Variants in NCKAP1 observed in about 807,000 individuals in gnomAD.
The protein encoded by NCKAP1 is NCK associated protein 1.
A neutral mutation model predicts 151.2 loss-of-function variants in NCKAP1; 21 were observed. The observed-to-expected ratio is 0.14, with a 90% CI of 0.10 to 0.20. The LOEUF (loss-of-function observed/expected upper bound fraction) is 0.20. Among genes scored for constraint, NCKAP1 ranks in the 10% least tolerant of loss-of-function variants. NCKAP1 has a pLI of 1.00. For synonymous variants in NCKAP1, 484 were observed against 451.8 expected (o/e 1.07, Z -0.90); for missense variants, 933 against 1,352.1 (o/e 0.69, Z 4.86).
chr2:183,001,987 T>G lies in NCKAP1; in HGVS notation c.569A>C (p.Lys190Thr). Residue 190 changes from lysine to threonine, a missense_variant, in exon 6 of 31, where the codon AAG (lysine) becomes ACG (threonine). By Grantham distance (78) the Lys-to-Thr change is moderately conservative. This residue lies in a region of NCKAP1 where 607 missense variants were observed against 795.0 expected (regional missense o/e 0.76). Transcript: ENST00000361354. ...GGGTACAAATTCTTCCATCATCTTCTTTAAAGGGTTTTCATAATCCACAAT... is the reference window on the plus strand; with the variant it reads ...GGGTACAAATTCTTCCATCATCTTCGTTAAAGGGTTTTCATAATCCACAAT... ...QMIVDYENPLKKMMEEFVPHS... is the reference protein window; with the variant it reads ...QMIVDYENPLTKMMEEFVPHS... 6.2e-7 allele frequency: 1 copy of G among 1,613,876 alleles called. No homozygotes were observed.
chr2:182,989,118 G>A lies in NCKAP1; in HGVS notation c.859C>T (p.Leu287Phe). ...ATALNLWKLA[L>F]QSSSCLSLFR... is the part of the protein sequence containing the mutation. ...AGAGAGAGGCAAGAGCTACTTTGAA[G>A]AGCTAGTTTCCAAAGGTTCAGTGCT... Residue 287 changes from leucine to phenylalanine, a missense_variant, in exon 9 of 31, where the codon CTT (leucine) becomes TTT (phenylalanine). Transcript: ENST00000361354. 6.2e-7 allele frequency: 1 copy of A among 1,613,542 alleles called. No homozygotes were observed. The highest frequency in any genetic ancestry group is 1.1e-5 in the South Asian group (1 of 91,070).
intron 2 of NCKAP1, among the ~76,000 whole-genome samples, chr2:183,019,454 T>C (rs1191911322): frequency 1.3e-5 from 2 of 152,176 alleles, no homozygotes; most frequent in African/African-American, 4.8e-5. Context: ...AAATAATTTG[T>C]ATGTGTTAAT....
chr2:182,942,278 A>AC (rs1697011899), intron 23 of NCKAP1, 115 bp from the exon 24 acceptor site: 1 of 702,924 alleles, frequency 1.4e-6, no homozygotes, highest in African/African-American at 1.8e-5. Context: ...TGAAATCCAG[A>AC]CGCTCTATGC....
At chr2:182,988,560 C>T (rs1698103622) in intron 9 of NCKAP1, among the ~76,000 whole-genome samples, 1 of 152,044 alleles carries the variant, frequency 6.6e-6, no homozygotes, top group Non-Finnish European at 1.5e-5. Flanking sequence ...ATGTGGAATA[C>T]TATTATTTAA....
chr2:182,953,125 A>G lies in NCKAP1; in HGVS notation c.2360T>C (p.Leu787Pro). ...DSHGEPTITSLYTNWYLETLL... is the reference protein window; with the variant it reads ...DSHGEPTITSPYTNWYLETLL... ...ATGCATTCCTTACCAATTTGTGTAT[A>G]GACTTGTAATGGTTGGCTCTCCATG... The change falls in exon 21 of 31, where the codon CTA becomes CCA. Residue 787 changes from leucine (L) to proline (P), a missense_variant. Transcript: ENST00000361354. The G allele has an allele frequency of 6.2e-7, 1 of 1,608,764 alleles. No individual in the cohort carries two copies. The highest frequency in any genetic ancestry group is 8.5e-7 in the Non-Finnish European group (1 of 1,177,552).
At position 182,939,063 on chromosome 2, in the gene NCKAP1, A is replaced by G. The variant is rs892662098; in HGVS notation, c.2695+3007T>C. ...TAGATGATGGCAGAAAGGTATGTGAATAGAATGAGTTTTCGAAAGAAAAAA... is the reference window on the plus strand; with the variant it reads ...TAGATGATGGCAGAAAGGTATGTGAGTAGAATGAGTTTTCGAAAGAAAAAA... On this transcript the variant is annotated intron_variant, in intron 24 of 30. Coordinates refer to ENST00000361354, the MANE Select transcript of NCKAP1 (RefSeq NM_013436.5). Among the ~76,000 whole-genome samples, 24 of 152,226 alleles carry G rather than the reference A, an allele frequency of 1.6e-4. 1 individual carries two copies. Among genetic ancestry groups the G allele is most frequent in the Admixed American group, 1.4e-3 (21 of 15,284 alleles).
intron 4 of NCKAP1, 136 bp from the exon 5 acceptor site, chr2:183,002,405 T>C: frequency 1.6e-6 from 1 of 624,732 alleles, no homozygotes; most frequent in Non-Finnish European, 2.5e-6. Context: ...TGCTAATTCC[T>C]TTCACTAAAA....
At position 182,943,411 on chromosome 2, in the gene NCKAP1, G is replaced by A. The variant is rs562207596; in HGVS notation, c.2602-1248C>T. ...TTTCTTATTATGCTGCTAATCAGAAGTTAAGCTCTAGTCACATTTATTTGC... is the reference window on the plus strand; with the variant it reads ...TTTCTTATTATGCTGCTAATCAGAAATTAAGCTCTAGTCACATTTATTTGC... On this transcript the variant is annotated intron_variant, in intron 23 of 30. Coordinates refer to ENST00000361354, the MANE Select transcript of NCKAP1 (RefSeq NM_013436.5). Among the ~76,000 whole-genome samples the A allele has an allele frequency of 1.2e-4, 18 of 152,224 alleles. No individual in the cohort carries two copies. In the South Asian group the frequency reaches 3.1e-3, roughly 26 times the overall value.
At chr2:182,965,190 A>C (rs1224178620) in intron 16 of NCKAP1, among the ~76,000 whole-genome samples, 2 of 152,044 alleles carry the variant, frequency 1.3e-5, no homozygotes, top group African/African-American at 4.8e-5. Flanking sequence ...CAGGAGTTTG[A>C]GACCAGCCTG....
At chr2:182,970,070 GAAAACCTGA>G (rs1376929828) in intron 15 of NCKAP1, among the ~76,000 whole-genome samples, 2 of 152,002 alleles carry the variant, frequency 1.3e-5, no homozygotes, top group African/African-American at 4.8e-5. Flanking sequence ...AGAAGAAACA[GAAAACCTGA>G]AAGGACCAGT....
At chr2:183,024,921 T>A in intron 1 of NCKAP1, 1 of 1,592,168 alleles carries the variant, frequency 6.3e-7, no homozygotes, top group Non-Finnish European at 8.6e-7. Context: ...TTATGAAACA[T>A]GAAACTGATC....
chr2:182,958,013 G>A (rs982654359), intron 18 of NCKAP1, among the ~76,000 whole-genome samples: 2 of 152,206 alleles, frequency 1.3e-5, no homozygotes, highest in Admixed American at 6.5e-5. Flanking sequence ...GGAGCATAAC[G>A]TGTAAGGTAA....
At position 182,994,787 on chromosome 2, in the gene NCKAP1, T is replaced by C; in HGVS notation, c.790+52A>G. 5 of 1,457,058 alleles carry C rather than the reference T, an allele frequency of 3.4e-6. No individual in the cohort carries two copies. The East Asian group carries it at 1.1e-4, about 33-fold the overall frequency. 90.3% of individuals were successfully genotyped at this position (1,457,058 alleles called of 1,614,324 possible). A position where few individuals can be genotyped will look rare whatever the true frequency, so the allele number is the denominator to read the frequency against. On this transcript the variant is annotated intron_variant, in intron 8 of 30. Coordinates refer to ENST00000361354, the MANE Select transcript of NCKAP1 (RefSeq NM_013436.5). ...GTAACCATGTCACCTGCTATTTTTC[T>C]CTAAAACATAAAGCCTGGGGAGTAA... is the stretch of plus-strand genomic sequence containing the variant.
In NCKAP1 at chr2:182,923,328, A is replaced by G. The variant is rs1306758813; in HGVS notation, c.*2374T>C. On this transcript the variant is annotated 3_prime_UTR_variant, in exon 31 of 31. Transcript: ENST00000361354. ...CATTCTGTCATCCAGGCTGGAGTGC[A>G]GTGGTGTGATCTCAGCTCACAGCAA... is the stretch of plus-strand genomic sequence containing the variant. 1.3e-5 allele frequency: 2 copies of G among 151,836 alleles called. No homozygotes were observed. Among genetic ancestry groups the G allele is most frequent in the East Asian group, 1.9e-4 (1 of 5,176 alleles). 9.4% of individuals were successfully genotyped at this position (151,836 alleles called of 1,614,324 possible).
At chr2:182,978,328 T>C (rs779927938) in intron 14 of NCKAP1, among the ~76,000 whole-genome samples, 20 of 152,200 alleles carry the variant, frequency 1.3e-4, no homozygotes, top group African/African-American at 1.9e-4. Context: ...ATTTTTGAGA[T>C]TGACAGATTT....
intron 23 of NCKAP1, among the ~76,000 whole-genome samples, chr2:182,946,862 T>C (rs1221037631): frequency 2.0e-5 from 3 of 152,076 alleles, no homozygotes; most frequent in Non-Finnish European, 4.4e-5. Context: ...AGCAAGTTCT[T>C]ATAATGGAGA....
At chr2:182,973,702 ACTTCTAC>A (rs1290087293) in intron 15 of NCKAP1, among the ~76,000 whole-genome samples, 1 of 152,102 alleles carries the variant, frequency 6.6e-6, no homozygotes, top group African/African-American at 2.4e-5. Context: ...CAATTCTTGC[ACTTCTAC>A]CTGAAACCAA....
intron 2 of NCKAP1, chr2:183,022,917 T>A (rs1226281740): frequency 6.6e-6 from 1 of 152,164 alleles, no homozygotes; most frequent in Admixed American, 6.6e-5. Context: ...AGGAGCTGGA[T>A]CTGTAACTGA....
intron 2 of NCKAP1, among the ~76,000 whole-genome samples, chr2:183,023,359 A>ATAGATTAAAAAG (rs1486779498): frequency 2.6e-5 from 4 of 152,168 alleles, no homozygotes; most frequent in Non-Finnish European, 5.9e-5. Context: ...ATCTTTAGAA[A>ATAGATTAAAAAG]TCATTGTCAA....
Sources: gnomAD v4.1 joint callset for allele counts (sites outside exome capture counted in the v4.1 genomes callset) on GRCh38, gnomAD v4.1.1 for gene constraint, gnomAD v4.1.1 regional missense constraint, MANE v1.5 for transcripts, NCBI Gene and HGNC (gene_info 2026-07-23, HGNC 2026-07-21) for gene names.